TRMT10B: variants seen among roughly 807,000 people sequenced by gnomAD.
TRMT10B encodes the protein tRNA methyltransferase 10 homolog B.
A neutral mutation model predicts 43.8 loss-of-function variants in TRMT10B; 33 were observed. That is an observed-to-expected ratio of 0.75 (90% CI 0.57 to 1.01). The LOEUF (loss-of-function observed/expected upper bound fraction) is 1.01. Among genes scored for constraint, TRMT10B ranks in the 50% least tolerant of loss-of-function variants. The pLI is 0.00. For synonymous variants in TRMT10B, 137 were observed against 130.6 expected, an observed-to-expected ratio of 1.05 and a Z score of -0.34; for missense variants, 362 against 369.8, an observed-to-expected ratio of 0.98 and a Z score of 0.17.
rs1376563452 is a variant in TRMT10B, at chr9:37,767,512, C to CAAAAAAAAAAAAAAAAA, written c.421-564_421-563insAAAAAAAAAAAAAAAAA. The CAAAAAAAAAAAAAAAAA allele has an allele frequency of 2.6e-4, 16 of 60,852 alleles. 1 individual carries two copies. Among genetic ancestry groups the CAAAAAAAAAAAAAAAAA allele is most frequent in the Non-Finnish European group, 3.9e-4 (14 of 35,864 alleles). The allele number at this position is 60,852 out of a possible 1,614,324, so 3.8% of individuals were successfully genotyped here. A position where few individuals can be genotyped will look rare whatever the true frequency, so the allele number is the denominator to read the frequency against. On this transcript the variant is annotated intron_variant, in intron 4 of 8. Transcript: ENST00000297994. ...TGGGTAACACAGCCAGACCCTGTCT[C>CAAAAAAAAAAAAAAAAA]CAAAAAAAAAAAAAAAAAAAAAATC...
intron 3 of TRMT10B, among the ~76,000 whole-genome samples, chr9:37,763,166 CAAAAA>C (rs1162647212): frequency 1.1e-3 from 128 of 113,768 alleles, no homozygotes; most frequent in African/African-American, 3.8e-3. Flanking sequence ...AAAAAAAAAA[CAAAAA>C]AAAAAATTTA....
intron 5 of TRMT10B, 59 bp from the exon 6 acceptor site, chr9:37,769,882 C>T (rs866732267): frequency 1.9e-5 from 27 of 1,386,884 alleles, no homozygotes; most frequent in Middle Eastern, 1.8e-4. Context: ...GGATTACAGA[C>T]GTGAGCCACC....
chr9:37,770,035 C>T lies in TRMT10B; in HGVS notation c.652+16C>T. ...TCAGAACACGGTATGTAGTTGAATG[C>T]ATGGATTCGTATAGCCCATTGTTCC... is the stretch of plus-strand genomic sequence containing the variant. On this transcript the variant is annotated intron_variant, in intron 6 of 8. Coordinates refer to ENST00000297994, the MANE Select transcript of TRMT10B (RefSeq NM_144964.4). 6.3e-7 allele frequency: 1 copy of T among 1,598,132 alleles called. No individual in the cohort carries two copies.
intron 1 of TRMT10B, among the ~76,000 whole-genome samples, chr9:37,755,925 G>GT (rs527834377): frequency 2.6e-5 from 4 of 152,190 alleles, no homozygotes; most frequent in Admixed American, 2.6e-4. Context: ...AAGGAATTCA[G>GT]TTTGATAGGA....
intron 7 of TRMT10B, among the ~76,000 whole-genome samples, chr9:37,772,075 G>T (rs994300832): frequency 7.2e-5 from 11 of 152,070 alleles, no homozygotes; most frequent in Admixed American, 7.2e-4. Context: ...GCAGTGGTGC[G>T]ATCATGGCTC....
chr9:37,774,785 A>G (rs1240413572), intron 7 of TRMT10B, among the ~76,000 whole-genome samples: 2 of 152,230 alleles, frequency 1.3e-5, no homozygotes, highest in Non-Finnish European at 2.9e-5. Context: ...TACTAGGTCC[A>G]CTTCACACTA....
At chr9:37,774,328 G>T (rs905969348) in intron 7 of TRMT10B, among the ~76,000 whole-genome samples, 4 of 152,218 alleles carry the variant, frequency 2.6e-5, no homozygotes, top group South Asian at 4.1e-4. Context: ...AGGCAGTTAA[G>T]TTCAGAGGGT....
chr9:37,769,938 C>T lies in TRMT10B; in HGVS notation c.574-3C>T, dbSNP rs1563999455. On this transcript the variant is annotated splice_polypyrimidine_tract_variant and splice_region_variant and intron_variant, in intron 5 of 8. Transcript: ENST00000297994. Reference sequence around the variant, plus strand: ...TTAACATCAGACTGTTTGCATTTTCCAGTTAGACATAACAGAAGAAGACTG... The same window carrying T: ...TTAACATCAGACTGTTTGCATTTTCTAGTTAGACATAACAGAAGAAGACTG... The T allele has an allele frequency of 3.7e-6, 6 of 1,613,804 alleles. No homozygotes were observed. Among genetic ancestry groups the T allele is most frequent in the Middle Eastern group, 1.6e-4 (1 of 6,062 alleles).
upstream of TRMT10B, among the ~76,000 whole-genome samples, chr9:37,752,954 AAATC>A (rs1825080145): frequency 6.6e-6 from 1 of 152,046 alleles, no homozygotes; most frequent in Non-Finnish European, 1.5e-5. Flanking sequence ...TCTTTGTAAT[AAATC>A]TTGTTGCTTG....
At position 37,770,694 on chromosome 9, in the gene TRMT10B, C is replaced by T. The variant is rs1193885574; in HGVS notation, c.675C>T (p.Asn225=). 1 of 1,613,816 alleles carries T rather than the reference C, an allele frequency of 6.2e-7. No homozygotes were observed. The highest frequency in any genetic ancestry group is 1.3e-5 in the African/African-American group (1 of 74,900). The change falls in exon 7 of 9, where the codon AAC becomes AAT. Residue 225 remains asparagine, a synonymous_variant. Coordinates refer to ENST00000297994, the MANE Select transcript of TRMT10B (RefSeq NM_144964.4). The part of the protein sequence containing the change: ...SEHALEDVDL[N]KVYILGGLVD... ...TAGCTCTTGAAGATGTTGATCTAAA[C>T]AAAGTTTACATCCTCGGTGGGCTTG...
intron 4 of TRMT10B, chr9:37,767,298 T>C (rs928124225): frequency 7.8e-4 from 119 of 152,066 alleles, no homozygotes; most frequent in African/African-American, 2.8e-3. Flanking sequence ...AGAGGATCAC[T>C]TGAGGCCAGG....
chr9:37,758,187 G>A (rs905808324), intron 1 of TRMT10B, among the ~76,000 whole-genome samples: 1 of 152,158 alleles, frequency 6.6e-6, no homozygotes, highest in African/African-American at 2.4e-5. Context: ...TGAGGCAGGC[G>A]GATTGCTTGA....
intron 8 of TRMT10B, among the ~76,000 whole-genome samples, chr9:37,777,172 C>T (rs1266632607): frequency 6.2e-5 from 6 of 97,010 alleles, no homozygotes; most frequent in Admixed American, 1.7e-4. Context: ...CCAGCCTGAG[C>T]AACAAGAGTG....
intron 3 of TRMT10B, among the ~76,000 whole-genome samples, chr9:37,762,977 CAAAAA>C (rs57643861): frequency 3.5e-5 from 3 of 85,136 alleles, no homozygotes; most frequent in Non-Finnish European, 6.9e-5. Context: ...ACTAAAAATA[CAAAAA>C]AAAAAAAAAA....
chr9:37,757,796 G>A (rs1036708891), intron 1 of TRMT10B, among the ~76,000 whole-genome samples: 3 of 152,172 alleles, frequency 2.0e-5, no homozygotes, highest in African/African-American at 4.8e-5. Flanking sequence ...CTGTGAGGTC[G>A]TTTTATCCCA....
chr9:37,754,514 T>C (rs1009263421), intron 1 of TRMT10B, among the ~76,000 whole-genome samples: 1 of 152,140 alleles, frequency 6.6e-6, no homozygotes, highest in Non-Finnish European at 1.5e-5. Context: ...TGCAGGGTTC[T>C]AAGCAGAAGA....
chr9:37,777,447 C>G (rs970799094), intron 8 of TRMT10B, among the ~76,000 whole-genome samples, 154 bp from the exon 9 acceptor site: 1 of 151,222 alleles, frequency 6.6e-6, no homozygotes, highest in African/African-American at 2.4e-5. Context: ...TGAGAGCAAG[C>G]AGAGCCTGTG....
intron 4 of TRMT10B, among the ~76,000 whole-genome samples, chr9:37,764,314 A>T (rs941218338): frequency 7.6e-6 from 1 of 132,264 alleles, no homozygotes; most frequent in African/African-American, 2.8e-5. Context: ...ACGCCTGACA[A>T]ATTTTTTTTT....
chr9:37,777,718 A>G lies in TRMT10B; in HGVS notation c.*11A>G, dbSNP rs184125230. ...AACTCAGTGGAATGATGGGCCTAAG[A>G]TTGCAGCTGCGTGGCCAGGTGCTCA... On this transcript the variant is annotated 3_prime_UTR_variant, in exon 9 of 9. Coordinates refer to ENST00000297994, the MANE Select transcript of TRMT10B (RefSeq NM_144964.4). 6.2e-7 allele frequency: 1 copy of G among 1,610,622 alleles called. No individual in the cohort carries two copies.
Sources: gnomAD v4.1 joint callset for allele counts (sites outside exome capture counted in the v4.1 genomes callset) on GRCh38, gnomAD v4.1.1 for gene constraint, MANE v1.5 for transcripts, NCBI Gene and HGNC (gene_info 2026-07-23, HGNC 2026-07-21) for gene names.